Variants in CD28 observed in about 807,000 individuals in gnomAD.
CD28 encodes the protein T-cell-specific surface glycoprotein CD28.
CD28 carries 8 observed loss-of-function variants against 21.4 expected under a neutral mutation model. The ratio of observed to expected loss-of-function variants is 0.37; its 90% confidence interval spans 0.22 to 0.68. The LOEUF (loss-of-function observed/expected upper bound fraction) is 0.68. Ranked by LOEUF, CD28 falls within the 30% of genes least tolerant of loss-of-function variation. The pLI, the probability that CD28 is intolerant of heterozygous loss-of-function variation, is 0.55. For synonymous variants in CD28, 106 were observed against 104.0 expected, an observed-to-expected ratio of 1.02 and a Z score of -0.12; for missense variants, 239 against 272.2, an observed-to-expected ratio of 0.88 and a Z score of 0.86.
intron 3 of CD28, among the ~76,000 whole-genome samples, chr2:203,733,192 A>G (rs1693943818): frequency 6.6e-6 from 1 of 152,226 alleles, no homozygotes. Context: ...ATGTAGAACC[A>G]AAACAATTCT....
chr2:203,710,754 C>T (rs770830501), intron 1 of CD28, among the ~76,000 whole-genome samples: 1 of 152,152 alleles, frequency 6.6e-6, no homozygotes, highest in Non-Finnish European at 1.5e-5. Flanking sequence ...CTAGTGTAGG[C>T]ATTGATGAGG....
At chr2:203,717,233 G>A (rs1693484056) in intron 1 of CD28, among the ~76,000 whole-genome samples, 1 of 152,120 alleles carries the variant, frequency 6.6e-6, no homozygotes, top group African/African-American at 2.4e-5. Context: ...AACCTCTTTA[G>A]ATTTTGTTTT....
intron 3 of CD28, among the ~76,000 whole-genome samples, chr2:203,730,843 A>G (rs533696865): frequency 2.6e-4 from 40 of 152,332 alleles, no homozygotes; most frequent in African/African-American, 9.6e-4. Context: ...TAATTCATAG[A>G]TGGGTCAGTG....
chr2:203,720,094 A>G (rs1284180575), intron 1 of CD28, among the ~76,000 whole-genome samples: 2 of 152,198 alleles, frequency 1.3e-5, no homozygotes, highest in African/African-American at 4.8e-5. Context: ...CAAGATTCAC[A>G]GATTATCTGT....
intron 1 of CD28, among the ~76,000 whole-genome samples, chr2:203,707,482 A>G (rs1357491587): frequency 1.3e-5 from 2 of 152,232 alleles, no homozygotes; most frequent in Non-Finnish European, 1.5e-5. Context: ...GAGTTCCAAC[A>G]TGAATTCTGG....
chr2:203,708,999 G>C (rs1693239835), intron 1 of CD28, among the ~76,000 whole-genome samples: 1 of 151,994 alleles, frequency 6.6e-6, no homozygotes, highest in Non-Finnish European at 1.5e-5. Context: ...GCATGCGCCT[G>C]TAATCCCAGC....
At chr2:203,719,834 C>T (rs890900794) in intron 1 of CD28, among the ~76,000 whole-genome samples, 1 of 152,142 alleles carries the variant, frequency 6.6e-6, no homozygotes, top group Non-Finnish European at 1.5e-5. Context: ...GAAATCTAAG[C>T]ATTAACTGAG....
chr2:203,721,120 T>C (rs1281675039), intron 1 of CD28, among the ~76,000 whole-genome samples: 2 of 152,208 alleles, frequency 1.3e-5, no homozygotes, highest in Non-Finnish European at 2.9e-5. Flanking sequence ...TAACACATAG[T>C]AAGCAAACGA....
Position 203,726,812 on chromosome 2 carries a change from G to A in CD28, c.232G>A (p.Val78Ile). 1 of 1,614,152 alleles carries A rather than the reference G, an allele frequency of 6.2e-7. No homozygotes were observed. The highest frequency in any genetic ancestry group is 8.5e-7 in the Non-Finnish European group (1 of 1,180,028). The change falls in exon 2 of 4, where the codon GTT becomes ATT. Residue 78 changes from valine (V) to isoleucine (I), a missense_variant. By Grantham distance (29) the Val-to-Ile change is conservative. This residue lies in a region of CD28 where 104 missense variants were observed against 108.5 expected (regional missense o/e 0.96). Coordinates refer to ENST00000324106, the MANE Select transcript of CD28 (RefSeq NM_006139.4). ...TGGGAATTACTCCCAGCAGCTTCAG[G>A]TTTACTCAAAAACGGGGTTCAACTG... ...VYGNYSQQLQ[V>I]YSKTGFNCDG...
intron 1 of CD28, among the ~76,000 whole-genome samples, chr2:203,723,618 T>A (rs1329578341): frequency 6.6e-6 from 1 of 152,116 alleles, no homozygotes; most frequent in East Asian, 1.9e-4. Flanking sequence ...AATAGACCAA[T>A]GGCTAATAAG....
Position 203,735,163 on chromosome 2 carries a change from T to G in CD28, c.*251T>G, listed in dbSNP as rs1182643529. 8.4e-6 allele frequency: 4 copies of G among 478,550 alleles called. No homozygotes were observed. Among genetic ancestry groups the G allele is most frequent in the African/African-American group, 8.0e-5 (4 of 50,184 alleles). The allele number at this position is 478,550 out of a possible 1,614,324, so 29.6% of individuals were successfully genotyped here. A position where few individuals can be genotyped will look rare whatever the true frequency, so the allele number is the denominator to read the frequency against. On this transcript the variant is annotated 3_prime_UTR_variant, in exon 4 of 4. Coordinates refer to ENST00000324106, the MANE Select transcript of CD28 (RefSeq NM_006139.4). ...GCCCACATTCCAACTTACCATGTAC[T>G]TAGTGACTTGACTGAGAAGTTAGGG...
intron 1 of CD28, among the ~76,000 whole-genome samples, chr2:203,714,946 T>C (rs1693426296): frequency 6.6e-6 from 1 of 152,212 alleles, no homozygotes; most frequent in African/African-American, 2.4e-5. Flanking sequence ...ACAGTAATTA[T>C]TTAAACTTCT....
At chr2:203,709,951 A>G (rs1208179044) in intron 1 of CD28, among the ~76,000 whole-genome samples, 1 of 152,222 alleles carries the variant, frequency 6.6e-6, no homozygotes, top group African/African-American at 2.4e-5. Context: ...AGAGGCATGG[A>G]AAGCAGGAAA....
chr2:203,731,481 T>A (rs1253351812), intron 3 of CD28, among the ~76,000 whole-genome samples: 2 of 152,204 alleles, frequency 1.3e-5, no homozygotes, highest in Non-Finnish European at 2.9e-5. Flanking sequence ...TGGATACCCC[T>A]CCAGGAAAGG....
At position 203,709,054 on chromosome 2, in the gene CD28, G is replaced by A. The variant is rs1036959533; in HGVS notation, c.52+2306G>A. ...GGAGAATTGCTTAAACCCGGGACGC[G>A]GAGGTTGCTGTGAACTTAGATTGCA... On this transcript the variant is annotated intron_variant, in intron 1 of 3. Coordinates refer to ENST00000324106, the MANE Select transcript of CD28 (RefSeq NM_006139.4). Among the ~76,000 whole-genome samples the A allele has an allele frequency of 5.9e-5, 9 of 151,912 alleles. No homozygotes were observed. The East Asian group carries it at 7.7e-4, about 13-fold the overall frequency.
chr2:203,710,862 ATCT>A (rs1179386225), intron 1 of CD28, among the ~76,000 whole-genome samples: 4 of 152,166 alleles, frequency 2.6e-5, no homozygotes, highest in South Asian at 2.1e-4. Context: ...AAGGGATAGA[ATCT>A]TCTTCTCTTT....
intron 1 of CD28, among the ~76,000 whole-genome samples, chr2:203,720,331 G>C (rs1268378338): frequency 6.6e-6 from 1 of 152,246 alleles, no homozygotes; most frequent in Non-Finnish European, 1.5e-5. Context: ...AATTCAGTTA[G>C]AGAAATGTCA....
intron 1 of CD28, among the ~76,000 whole-genome samples, chr2:203,720,012 C>T (rs1177288972): frequency 6.6e-6 from 1 of 152,052 alleles, no homozygotes; most frequent in Admixed American, 6.5e-5. Flanking sequence ...TGTAACCAAG[C>T]TTCCCCACCA....
intron 1 of CD28, among the ~76,000 whole-genome samples, chr2:203,707,371 G>T (rs1461757873): frequency 1.3e-5 from 2 of 151,912 alleles, no homozygotes; most frequent in Non-Finnish European, 2.9e-5. Flanking sequence ...TCACCTCAAG[G>T]TCATTGTGAG....
Sources: allele counts gnomAD v4.1 joint callset (sites outside exome capture counted in the v4.1 genomes callset), GRCh38; gene constraint gnomAD v4.1.1; regional missense constraint gnomAD v4.1.1; transcripts MANE v1.5; gene names NCBI Gene and HGNC (gene_info 2026-07-23, HGNC 2026-07-21).